The following SLITRK6 variants were observed in gnomAD, a reference collection of about 807,000 sequenced individuals.
The protein encoded by SLITRK6 is SLIT and NTRK like family member 6.
In SLITRK6, 35 loss-of-function variants were observed where a neutral mutation model predicts 55.6. The observed-to-expected ratio is 0.63, with a 90% CI of 0.48 to 0.83. SLITRK6 has a LOEUF of 0.83. Among genes scored for constraint, SLITRK6 ranks in the 40% least tolerant of loss-of-function variants. The probability of loss-of-function intolerance (pLI) is 0.00; values close to 1 mark genes in which losing one functional copy is unlikely to be tolerated. For synonymous variants in SLITRK6, 392 were observed against 359.6 expected (o/e 1.09, Z -1.02); for missense variants, 977 against 986.4 (o/e 0.99, Z 0.13).
rs1195029578 is a variant in SLITRK6 at position 85,792,982 on chromosome 13, A to G, written c.*1001T>C. ...GAGGCAACTTAAACCACTTACCTTT[A>G]GAAGTGCCTTTTGCTACTGATTTAT... On this transcript the variant is annotated 3_prime_UTR_variant, in exon 2 of 2. Transcript: ENST00000647374. 6.6e-6 allele frequency: 1 copy of G among 152,212 alleles called. No homozygotes were observed. Among genetic ancestry groups the G allele is most frequent in the Non-Finnish European group, 1.5e-5 (1 of 67,828 alleles). 9.4% of individuals were successfully genotyped at this position (152,212 alleles called of 1,614,324 possible).
chr13:85,795,997 G>T lies in SLITRK6; in HGVS notation c.512C>A (p.Ala171Asp). Residue 171 changes from alanine to aspartate, a missense_variant, in exon 2 of 2, where the codon GCT becomes GAT. Coordinates refer to ENST00000647374, the MANE Select transcript of SLITRK6 (RefSeq NM_032229.3). ...GATGTTTGGAGGAAGACTCTCAATA[G>T]CATTGTCATTTAAAATTAACACTTT... ...RLKVLILNDN[A>D]IESLPPNIFR... 2 of 1,613,138 alleles carry T rather than the reference G, an allele frequency of 1.2e-6. No individual in the cohort carries two copies. Among genetic ancestry groups the T allele is most frequent in the Non-Finnish European group, 1.7e-6 (2 of 1,179,440 alleles).
rs752079140 is a variant in SLITRK6 at position 85,794,018 on chromosome 13, G to C, written c.2491C>G (p.Pro831Ala). Residue 831 changes from proline (P) to alanine (A), a missense_variant, in exon 2 of 2, where the codon CCT becomes GCT. Coordinates refer to ENST00000647374, the MANE Select transcript of SLITRK6 (RefSeq NM_032229.3). ...TGCTCCAGGACTTCTAAATAGTCAG[G>C]TTCAGCATGTAAATTAGCTTTAAGT... is the stretch of plus-strand genomic sequence containing the variant. Reference protein sequence around the residue: ...FELKANLHAEPDYLEVLEQQT With the variant: ...FELKANLHAEADYLEVLEQQT 4 of 1,610,100 alleles carry C rather than the reference G, an allele frequency of 2.5e-6. No individual in the cohort carries two copies. The Admixed American group carries it at 6.7e-5, about 27-fold the overall frequency.
chr13:85,793,944 G>T lies in SLITRK6; in HGVS notation c.*39C>A, dbSNP rs1422446343. On this transcript the variant is annotated 3_prime_UTR_variant, in exon 2 of 2. Transcript: ENST00000647374. ...ATTTACAAGGTATGGACTTAAAACA[G>T]AATCACAGCATTTCTGCGAAAGCCC... The T allele has an allele frequency of 1.3e-6, 2 of 1,549,476 alleles. No homozygotes were observed. The highest frequency in any genetic ancestry group is 2.8e-5 in the African/African-American group (2 of 72,616).
In SLITRK6 at chr13:85,799,219, T is replaced by C. The variant is rs1294415630; in HGVS notation, c.-330A>G. 6.6e-6 allele frequency: 1 copy of C among 152,020 alleles called. No individual in the cohort carries two copies. The highest frequency in any genetic ancestry group is 1.5e-5 in the Non-Finnish European group (1 of 68,012). The allele number at this position is 152,020 out of a possible 1,614,324, so 9.4% of individuals were successfully genotyped here. ...TCACAGCTATGCTGACTTTTTTGCA[T>C]ATAGTTAACCATTTGCAAGCTGCTG... On this transcript the variant is annotated 5_prime_UTR_variant, in exon 1 of 2. It adds an upstream start codon to the 5' untranslated region. Transcript: ENST00000647374.
Position 85,795,336 on chromosome 13 carries a change from C to A in SLITRK6, c.1173G>T (p.Met391Ile). ...CAATACGATTGTTTCCCAAGTGAAG[C>A]ATTTCCAAAGTGAAATATTCCACTA... ...SDLVEYFTLE[M>I]LHLGNNRIEV... Residue 391 changes from methionine to isoleucine, a missense_variant, in exon 2 of 2, where the codon ATG becomes ATT. Transcript: ENST00000647374. 1 of 1,612,712 alleles carries A rather than the reference C, an allele frequency of 6.2e-7. No individual in the cohort carries two copies. The highest frequency in any genetic ancestry group is 8.5e-7 in the Non-Finnish European group (1 of 1,179,352).
In SLITRK6 at chr13:85,795,417, A is replaced by G. The variant is rs776587725; in HGVS notation, c.1092T>C (p.Asn364=). The change falls in exon 2 of 2, where the codon AAT becomes AAC. Residue 364 remains asparagine, a synonymous_variant. Transcript: ENST00000647374. ...SLSDLRPPPQ[N]PRKLILAGNI... Reference sequence around the variant, plus strand: ...TTCCCGCTAGAATGAGCTTTCTAGGATTTTGCGGAGGAGGTCTCAGATCTG... The same window carrying G: ...TTCCCGCTAGAATGAGCTTTCTAGGGTTTTGCGGAGGAGGTCTCAGATCTG... 7 of 1,612,894 alleles carry G rather than the reference A, an allele frequency of 4.3e-6. No homozygotes were observed. In the East Asian group the frequency reaches 1.3e-4, roughly 31 times the overall value.
chr13:85,796,102 T>C lies in SLITRK6; in HGVS notation c.407A>G (p.Glu136Gly), dbSNP rs2137170154. The change falls in exon 2 of 2, where the codon GAA becomes GGA. Residue 136 changes from glutamate to glycine, a missense_variant. Glu to Gly is a moderately conservative substitution (Grantham distance 98). Coordinates refer to ENST00000647374, the MANE Select transcript of SLITRK6 (RefSeq NM_032229.3). ...ATCTGCTTGCAGGAATTCCAGGTTT[T>C]CCAGTCCATGGAAAGTATCCTCTTT... ...ILKEDTFHGL[E>G]NLEFLQADNN... The C allele has an allele frequency of 6.2e-7, 1 of 1,612,614 alleles. No individual in the cohort carries two copies. Among genetic ancestry groups the C allele is most frequent in the Non-Finnish European group, 8.5e-7 (1 of 1,179,360 alleles).
At chr13:85,796,811 A>T (rs943727979) in intron 1 of SLITRK6, among the ~76,000 whole-genome samples, 1 of 151,748 alleles carries the variant, frequency 6.6e-6, no homozygotes, top group African/African-American at 2.4e-5. Flanking sequence ...TTGTGCTCAC[A>T]TCTGATGAAT....
intron 1 of SLITRK6, among the ~76,000 whole-genome samples, chr13:85,797,374 A>G (rs1269932537): frequency 1.3e-5 from 2 of 151,746 alleles, no homozygotes; most frequent in Non-Finnish European, 2.9e-5. Flanking sequence ...GAAGCAGTAT[A>G]TTGCTTACTG....
chr13:85,795,968 G>A lies in SLITRK6; in HGVS notation c.541C>T (p.Arg181Ter), dbSNP rs587777071. The A allele has an allele frequency of 4.3e-6, 7 of 1,612,836 alleles. No individual in the cohort carries two copies. The highest frequency in any genetic ancestry group is 2.7e-5 in the African/African-American group (2 of 74,820). The change falls in exon 2 of 2, where the codon CGA becomes TGA. Residue 181 changes from arginine (R) to a stop codon, truncating the protein, a stop_gained. Coordinates refer to ENST00000647374, the MANE Select transcript of SLITRK6 (RefSeq NM_032229.3). LOFTEE classifies it high-confidence loss of function. Reference sequence around the variant, plus strand: ...TCTAGATGGGTTAAAGGAACAAATCGGAAGATGTTTGGAGGAAGACTCTCA... The same window carrying A: ...TCTAGATGGGTTAAAGGAACAAATCAGAAGATGTTTGGAGGAAGACTCTCA... Reference protein sequence around the residue: ...AIESLPPNIFRFVPLTHLDLR... With the variant: ...AIESLPPNIF
Position 85,796,311 on chromosome 13 carries a change from A to T in SLITRK6, c.198T>A (p.Pro66=). Residue 66 remains proline, a synonymous_variant, in exon 2 of 2, where the codon CCT becomes CCA. Transcript: ENST00000647374. The part of the protein sequence containing the change: ...VSEISVPPSR[P]FQLSLLNNGL... ...CGTTATTTAATAAGCTTAGTTGGAA[A>T]GGTCGTGATGGTGGCACACTTATTT... 1 of 1,611,908 alleles carries T rather than the reference A, an allele frequency of 6.2e-7. No homozygotes were observed. Among genetic ancestry groups the T allele is most frequent in the East Asian group, 2.2e-5 (1 of 44,826 alleles).
chr13:85,798,801 T>C (rs1363738402), intron 1 of SLITRK6, 113 bp downstream of exon 1: 1 of 151,986 alleles, frequency 6.6e-6, no homozygotes, highest in Non-Finnish European at 1.5e-5. Context: ...AGAATGAAAT[T>C]GAGTATCCTT....
chr13:85,797,285 G>T (rs368961896), intron 1 of SLITRK6, among the ~76,000 whole-genome samples: 1 of 151,390 alleles, frequency 6.6e-6, no homozygotes, highest in African/African-American at 2.4e-5. Flanking sequence ...TTGTATAAGC[G>T]TAATAGTATC....
At position 85,793,879 on chromosome 13, in the gene SLITRK6, G is replaced by T; in HGVS notation, c.*104C>A. On this transcript the variant is annotated 3_prime_UTR_variant, in exon 2 of 2. Coordinates refer to ENST00000647374, the MANE Select transcript of SLITRK6 (RefSeq NM_032229.3). The stretch of plus-strand genomic sequence containing the variant: ...TTTTTTCCCCATAGTTTACTGCTGT[G>T]CTTAGGTTCTGATTGATGACACACT... 2.3e-6 allele frequency: 3 copies of T among 1,323,852 alleles called. No individual in the cohort carries two copies. The highest frequency in any genetic ancestry group is 1.6e-5 in the South Asian group (1 of 62,562). The allele number at this position is 1,323,852 out of a possible 1,614,324, so 82.0% of individuals were successfully genotyped here.
chr13:85,798,076 T>C lies in SLITRK6; in HGVS notation c.-25+838A>G, dbSNP rs1244137394. Among the ~76,000 whole-genome samples the C allele has an allele frequency of 3.3e-5, 5 of 151,976 alleles. No individual in the cohort carries two copies. The East Asian group carries it at 9.7e-4, about 29-fold the overall frequency. ...GAAAACACATATAGTACAAAGTTCC[T>C]GAAAGGCAAAAGGCAACTGAAGAAA... On this transcript the variant is annotated intron_variant, in intron 1 of 1. Coordinates refer to ENST00000647374, the MANE Select transcript of SLITRK6 (RefSeq NM_032229.3).
At position 85,794,055 on chromosome 13, in the gene SLITRK6, A is replaced by G; in HGVS notation, c.2454T>C (p.Asn818=). ...AATTAGCTTTAAGTTCAAAATACTC[A>G]TTTTTTGTCTGTTCCACTAATACCT... The part of the protein sequence containing the change: ...PRKVLVEQTK[N]EYFELKANLH... Residue 818 remains asparagine, a synonymous_variant, in exon 2 of 2, where the codon AAT becomes AAC. Coordinates refer to ENST00000647374, the MANE Select transcript of SLITRK6 (RefSeq NM_032229.3). 6 of 1,612,224 alleles carry G rather than the reference A, an allele frequency of 3.7e-6. No homozygotes were observed. Among genetic ancestry groups the G allele is most frequent in the Non-Finnish European group, 5.1e-6 (6 of 1,179,094 alleles).
Position 85,794,766 on chromosome 13 carries a change from G to A in SLITRK6, c.1743C>T (p.Tyr581=), listed in dbSNP as rs1423770312. 6.2e-7 allele frequency: 1 copy of A among 1,613,116 alleles called. No individual in the cohort carries two copies. Among genetic ancestry groups the A allele is most frequent in the Admixed American group, 1.7e-5 (1 of 59,808 alleles). The change falls in exon 2 of 2, where the codon TAC becomes TAT. Residue 581 remains tyrosine, a synonymous_variant. Coordinates refer to ENST00000647374, the MANE Select transcript of SLITRK6 (RefSeq NM_032229.3). ...TTGTTGCAGGAGTGGTGACCATAAG[G>A]TAACTAGTCTGTGTTGGCATGGATG... is the stretch of plus-strand genomic sequence containing the variant. ...NNPSMPTQTS[Y]LMVTTPATTT...
chr13:85,794,290 G>T lies in SLITRK6; in HGVS notation c.2219C>A (p.Thr740Lys), dbSNP rs745310375. Reference sequence around the variant, plus strand: ...GGATAAAAATTCTGTTGATTGGTTCGTGGTTTTGTATTTCATATTTGACCC... The same window carrying T: ...GGATAAAAATTCTGTTGATTGGTTCTTGGTTTTGTATTTCATATTTGACCC... ...LTGSNMKYKT[T>K]NQSTEFLSFQ... Residue 740 changes from threonine (T) to lysine (K), a missense_variant, in exon 2 of 2, where the codon ACG becomes AAG. Thr to Lys is a moderately conservative substitution (Grantham distance 78). Coordinates refer to ENST00000647374, the MANE Select transcript of SLITRK6 (RefSeq NM_032229.3). The T allele has an allele frequency of 6.2e-7, 1 of 1,613,138 alleles. No individual in the cohort carries two copies. Among genetic ancestry groups the T allele is most frequent in the African/African-American group, 1.3e-5 (1 of 74,846 alleles).
In SLITRK6 at chr13:85,793,884, G is replaced by T. The variant is rs1874615390; in HGVS notation, c.*99C>A. 1 of 1,370,790 alleles carries T rather than the reference G, an allele frequency of 7.3e-7. No homozygotes were observed. Among genetic ancestry groups the T allele is most frequent in the South Asian group, 1.5e-5 (1 of 65,246 alleles). The allele number at this position is 1,370,790 out of a possible 1,614,324, so 84.9% of individuals were successfully genotyped here. A position where few individuals can be genotyped will look rare whatever the true frequency, so the allele number is the denominator to read the frequency against. On this transcript the variant is annotated 3_prime_UTR_variant, in exon 2 of 2. Transcript: ENST00000647374. ...TCCCCATAGTTTACTGCTGTGCTTA[G>T]GTTCTGATTGATGACACACTCACGT...
Sources: gnomAD v4.1 joint callset for allele counts (sites outside exome capture counted in the v4.1 genomes callset) on GRCh38, gnomAD v4.1.1 for gene constraint, MANE v1.5 for transcripts, NCBI Gene and HGNC (gene_info 2026-07-23, HGNC 2026-07-21) for gene names.